Variants in MAD2L1BP observed in about 807,000 individuals in gnomAD.
MAD2L1BP encodes the protein MAD2L1-binding protein.
MAD2L1BP carries 22 observed loss-of-function variants against 28.4 expected under a neutral mutation model. The ratio of observed to expected loss-of-function variants is 0.77; its 90% CI spans 0.55 to 1.10. MAD2L1BP has a LOEUF of 1.10. Among genes scored for constraint, MAD2L1BP ranks in the 50% least tolerant of loss-of-function variants. The probability of loss-of-function intolerance (pLI) is 0.00; values close to 1 mark genes in which losing one functional copy is unlikely to be tolerated. For synonymous variants in MAD2L1BP, 146 were observed against 133.7 expected (o/e 1.09, Z -0.63); for missense variants, 325 against 350.5 (o/e 0.93, Z 0.58).
At chr6:43,639,124 C>G (rs1561931676) in intron 2 of MAD2L1BP, among the ~76,000 whole-genome samples, 1 of 151,810 alleles carries the variant, frequency 6.6e-6, no homozygotes, top group Admixed American at 6.6e-5. Context: ...CTCTTGAACT[C>G]TTAACTCTTC....
In MAD2L1BP at chr6:43,640,465, C is replaced by G. The variant is rs528509686; in HGVS notation, c.757C>G (p.Arg253Gly). 6.2e-7 allele frequency: 1 copy of G among 1,613,092 alleles called. No homozygotes were observed. Among genetic ancestry groups the G allele is most frequent in the Non-Finnish European group, 8.5e-7 (1 of 1,179,668 alleles). Residue 253 changes from arginine (R) to glycine (G), a missense_variant, in exon 3 of 3, where the codon CGA (arginine) becomes GGA (glycine). Physicochemically the swap from Arg to Gly is moderately radical, Grantham distance 125. Transcript: ENST00000372171. ...VTLSCGRPSI[R>G]TTAWEDYIWF... is the part of the protein sequence containing the mutation. ...CCTGTCATGTGGCAGACCTTCCATC[C>G]GAACCACGGCTTGGGAAGACTACAT...
At chr6:43,632,399 A>T (rs2127855930), upstream of MAD2L1BP, among the ~76,000 whole-genome samples, 1 of 151,734 alleles carries the variant, frequency 6.6e-6, no homozygotes, top group African/African-American at 2.4e-5. Context: ...CTGGGACTAC[A>T]GGGGCATGCC....
Position 43,640,256 on chromosome 6 carries a change from C to T in MAD2L1BP, c.548C>T (p.Thr183Ile). The stretch of plus-strand genomic sequence containing the variant: ...TACAGCGTGGACCAGAGCCTGAGCA[C>T]AGCAGCTTGTTTGCGCCGTCTCTTC... ...APYSVDQSLS[T>I]AACLRRLFRA... Residue 183 changes from threonine to isoleucine, a missense_variant, in exon 3 of 3, where the codon ACA (threonine) becomes ATA (isoleucine). Transcript: ENST00000372171. 6.2e-7 allele frequency: 1 copy of T among 1,613,908 alleles called. No homozygotes were observed. The highest frequency in any genetic ancestry group is 2.2e-5 in the East Asian group (1 of 44,880).
intron 2 of MAD2L1BP, among the ~76,000 whole-genome samples, chr6:43,637,358 C>T (rs1179231562): frequency 4.0e-5 from 6 of 151,526 alleles, no homozygotes; most frequent in Admixed American, 6.6e-5. Flanking sequence ...TGAACTACCG[C>T]GCCTGGCCTG....
chr6:43,630,604 G>C (rs934601848), intron 1 of MAD2L1BP, among the ~76,000 whole-genome samples: 12 of 152,156 alleles, frequency 7.9e-5, no homozygotes, highest in Non-Finnish European at 1.8e-4. Flanking sequence ...TTAGCTGGGC[G>C]TGGTGGCGCA....
chr6:43,633,679 T>C (rs1233040441), upstream of MAD2L1BP, among the ~76,000 whole-genome samples: 1 of 152,152 alleles, frequency 6.6e-6, no homozygotes, highest in African/African-American at 2.4e-5. Flanking sequence ...GTGCTGGGAT[T>C]ACAGGCATGA....
At chr6:43,634,212 CTTTTTTTCT>C (rs1770072341), upstream of MAD2L1BP, among the ~76,000 whole-genome samples, 2 of 131,904 alleles carry the variant, frequency 1.5e-5, no homozygotes, top group Non-Finnish European at 3.1e-5. Context: ...TTTTTTTTTT[CTTTTTTTCT>C]TTTTTTTTTT....
At chr6:43,633,360 C>G, upstream of MAD2L1BP, 1 of 310,692 alleles carries the variant, frequency 3.2e-6, no homozygotes, top group Non-Finnish European at 6.3e-6. Context: ...TTAGTAGAGA[C>G]GGGGTTTCTC....
chr6:43,630,010 C>T (rs1381129447), intron 1 of MAD2L1BP, among the ~76,000 whole-genome samples: 1 of 152,204 alleles, frequency 6.6e-6, no homozygotes, highest in East Asian at 1.9e-4. Flanking sequence ...ATTCCTCCTC[C>T]CCTTTGTTTT....
upstream of MAD2L1BP, among the ~76,000 whole-genome samples, chr6:43,634,308 A>G (rs1770083179): frequency 6.8e-6 from 1 of 146,484 alleles, no homozygotes; most frequent in South Asian, 2.1e-4. Context: ...TAAGTGTCGA[A>G]CTCCTGGACT....
exon 1 of MAD2L1BP, chr6:43,629,632 G>A: frequency 9.1e-7 from 1 of 1,096,518 alleles, no homozygotes; most frequent in Non-Finnish European, 1.4e-6. Flanking sequence ...GGGCGCTCCG[G>A]GATTTGGCCC....
chr6:43,638,752 C>T (rs1424063509), intron 2 of MAD2L1BP, among the ~76,000 whole-genome samples: 8 of 151,346 alleles, frequency 5.3e-5, no homozygotes, highest in East Asian at 1.9e-4. Context: ...GCCGAGATTG[C>T]GCCACTGTAC....
At chr6:43,632,547 C>T (rs1769984254), upstream of MAD2L1BP, among the ~76,000 whole-genome samples, 2 of 151,938 alleles carry the variant, frequency 1.3e-5, no homozygotes, top group Non-Finnish European at 2.9e-5. Context: ...GCGTGAGCCA[C>T]TATGCCCAGC....
chr6:43,635,743 A>C (rs2127860146), upstream of MAD2L1BP: 1 of 839,060 alleles, frequency 1.2e-6, no homozygotes, highest in East Asian at 3.3e-5. Context: ...AGCTCCACTT[A>C]ACCTCCCCCA....
chr6:43,640,537 A>G lies in MAD2L1BP; in HGVS notation c.*4A>G. On this transcript the variant is annotated 3_prime_UTR_variant, in exon 3 of 3. Coordinates refer to ENST00000372171, the MANE Select transcript of MAD2L1BP (RefSeq NM_014628.3). ...ATTTAAAGGCTTCCGCGAGTGAATG[A>G]GTGCTTCTTAATCCTAAAAACACAA... The G allele has an allele frequency of 1.3e-6, 2 of 1,563,094 alleles. No individual in the cohort carries two copies. The highest frequency in any genetic ancestry group is 1.7e-4 in the Middle Eastern group (1 of 5,798).
chr6:43,635,848 C>T lies in MAD2L1BP; in HGVS notation c.-28C>T. 1 of 1,466,852 alleles carries T rather than the reference C, an allele frequency of 6.8e-7. No homozygotes were observed. The highest frequency in any genetic ancestry group is 1.4e-5 in the South Asian group (1 of 73,178). 90.9% of individuals were successfully genotyped at this position (1,466,852 alleles called of 1,614,324 possible). ...TGCCCCGCGAGACCTTTATTCTAAC[C>T]GCAAGGAGTAGCGGAGGGGAGGTCG... On this transcript the variant is annotated 5_prime_UTR_variant, in exon 1 of 3. Transcript: ENST00000372171.
At chr6:43,638,029 C>T (rs1770344551) in intron 2 of MAD2L1BP, among the ~76,000 whole-genome samples, 2 of 152,162 alleles carry the variant, frequency 1.3e-5, no homozygotes, top group African/African-American at 4.8e-5. Flanking sequence ...CTCGAAGTAG[C>T]TGGGATTACA....
rs1227146804 is a variant in MAD2L1BP at position 43,640,358 on chromosome 6, G to A, written c.650G>A (p.Gly217Glu). ...PLMGTVVMAQ[G>E]HRNCGEDWFR... ...ATGGGCACCGTCGTCATGGCACAGG[G>A]ACACCGCAACTGTGGAGAAGATTGG... The change falls in exon 3 of 3, where the codon GGA (glycine) becomes GAA (glutamate). Residue 217 changes from glycine to glutamate, a missense_variant. Physicochemically the swap from Gly to Glu is moderately conservative, Grantham distance 98 (BLOSUM62 -2). Coordinates refer to ENST00000372171, the MANE Select transcript of MAD2L1BP (RefSeq NM_014628.3). 1 of 1,613,936 alleles carries A rather than the reference G, an allele frequency of 6.2e-7. No individual in the cohort carries two copies.
chr6:43,638,711 G>C (rs1770396120), intron 2 of MAD2L1BP, among the ~76,000 whole-genome samples: 1 of 151,930 alleles, frequency 6.6e-6, no homozygotes, highest in African/African-American at 2.4e-5. Context: ...CAGGAGAATG[G>C]TGTGAACCCG....
Sources: allele counts gnomAD v4.1 joint callset (sites outside exome capture counted in the v4.1 genomes callset), GRCh38; gene constraint gnomAD v4.1.1; transcripts MANE v1.5; gene names NCBI Gene and HGNC (gene_info 2026-07-23, HGNC 2026-07-21).